VIPR2: variants seen among roughly 807,000 people sequenced by gnomAD.
VIPR2 encodes the protein vasoactive intestinal polypeptide receptor 2.
In VIPR2, 48 loss-of-function variants were observed where a neutral mutation model predicts 58.0. The observed-to-expected ratio is 0.83, with a 90% CI of 0.66 to 1.05. The LOEUF is 1.05. Among genes scored for constraint, VIPR2 ranks in the 50% least tolerant of loss-of-function variants. The pLI, the probability that VIPR2 is intolerant of heterozygous loss-of-function variation, is 0.00. For missense variants in VIPR2, 534 were observed against 558.0 expected (o/e 0.96, Z 0.43); for synonymous variants, 243 against 235.2 (o/e 1.03, Z -0.30).
chr7:159,032,810 A>G (rs1460626155), intron 10 of VIPR2, among the ~76,000 whole-genome samples: 1 of 152,110 alleles, frequency 6.6e-6, no homozygotes, highest in Non-Finnish European at 1.5e-5. Flanking sequence ...CAAAGAACCA[A>G]TGCAAAGGTC....
intron 5 of VIPR2, among the ~76,000 whole-genome samples, chr7:159,048,959 TCCTCATTCTTAGCCTTCAGTTTCTTGAA>T (rs1263888179): frequency 2.0e-5 from 3 of 152,176 alleles, no homozygotes; most frequent in African/African-American, 7.2e-5. Flanking sequence ...CTCAAAAGAT[TCCTCATTCTTAGCCTTCAGTTTCTTGAA>T]CCTTATTTTT....
chr7:159,069,043 C>T (rs1005563972), intron 4 of VIPR2, among the ~76,000 whole-genome samples: 2 of 152,172 alleles, frequency 1.3e-5, no homozygotes, highest in South Asian at 2.1e-4. Flanking sequence ...TTCACTGAGC[C>T]GCGTGAACCG....
intron 5 of VIPR2, among the ~76,000 whole-genome samples, chr7:159,056,706 G>C (rs982456279): frequency 2.6e-5 from 4 of 152,220 alleles, no homozygotes; most frequent in African/African-American, 9.7e-5. Context: ...TTTTGGAGAA[G>C]AAATGTTCAA....
intron 2 of VIPR2, among the ~76,000 whole-genome samples, chr7:159,136,102 T>C (rs1222907494): frequency 6.6e-6 from 1 of 152,020 alleles, no homozygotes; most frequent in Non-Finnish European, 1.5e-5. Context: ...GGAAACTGGG[T>C]AAATTATAAA....
At chr7:159,063,100 C>T (rs916738174) in intron 4 of VIPR2, among the ~76,000 whole-genome samples, 8 of 152,226 alleles carry the variant, frequency 5.3e-5, no homozygotes, top group Non-Finnish European at 7.3e-5. Context: ...TATCCTGCAC[C>T]GGGCCGCAGG....
At chr7:159,075,865 G>A (rs1027944875) in intron 4 of VIPR2, among the ~76,000 whole-genome samples, 4 of 149,270 alleles carry the variant, frequency 2.7e-5, no homozygotes, top group Admixed American at 6.7e-5. Context: ...CCATGGACCC[G>A]CTGCATCAGC....
intron 2 of VIPR2, among the ~76,000 whole-genome samples, chr7:159,134,553 G>A (rs914451072): frequency 6.6e-6 from 1 of 152,094 alleles, no homozygotes; most frequent in Admixed American, 6.5e-5. Flanking sequence ...TTTATGTGTG[G>A]TCAAACTACT....
At chr7:159,043,547 A>C (rs1177898808) in intron 5 of VIPR2, among the ~76,000 whole-genome samples, 2 of 151,938 alleles carry the variant, frequency 1.3e-5, no homozygotes, top group East Asian at 3.9e-4. Context: ...CAACAACAAC[A>C]AAGATACTCA....
chr7:159,058,395 TC>T (rs1585381233), intron 5 of VIPR2, 85 bp downstream of exon 5: 1 of 1,114,504 alleles, frequency 9.0e-7, no homozygotes, highest in African/African-American at 1.5e-5. Context: ...CACAGAGGGC[TC>T]CAGGCTGGGT....
rs1354290511 is a variant in VIPR2 at position 159,093,723 on chromosome 7, G to A, written c.357+10034C>T. ...GAGACCCCGCAGCGTCCCTGGGTCC[G>A]GACATGGGAGACCCCGCAGCGTCCC... On this transcript the variant is annotated intron_variant, in intron 4 of 12. Coordinates refer to ENST00000262178, the MANE Select transcript of VIPR2 (RefSeq NM_003382.5). The surrounding 1 kb of genome is among the most constrained non-coding windows in gnomAD (Gnocchi z 6.7). 2.4e-4 allele frequency among the ~76,000 whole-genome samples: 27 copies of A among 113,102 alleles called. No homozygotes were observed. Among genetic ancestry groups the A allele is most frequent in the African/African-American group, 6.3e-4 (23 of 36,796 alleles). 74.2% of individuals were successfully genotyped at this position (113,102 alleles called of 152,430 possible). A position where few individuals can be genotyped will look rare whatever the true frequency, so the allele number is the denominator to read the frequency against.
At position 159,031,016 on chromosome 7, in the gene VIPR2, G is replaced by A. The variant is rs960732540; in HGVS notation, c.1144-227C>T. Among the ~76,000 whole-genome samples the A allele has an allele frequency of 1.3e-5, 2 of 152,270 alleles. No individual in the cohort carries two copies. The highest frequency in any genetic ancestry group is 4.8e-5 in the African/African-American group (2 of 41,476). On this transcript the variant is annotated intron_variant, in intron 12 of 12. Transcript: ENST00000262178. This position sits in a 1 kb window ranked among gnomAD's most constrained non-coding sequence, Gnocchi z 4.0. Reference sequence around the variant, plus strand: ...ACGCTGCCAGACTCTAAGACTGTGCGTGGGTGGTTCGGGGATCGCCACTGC... The same window carrying A: ...ACGCTGCCAGACTCTAAGACTGTGCATGGGTGGTTCGGGGATCGCCACTGC...
At chr7:159,080,609 T>G (rs1856853728) in intron 4 of VIPR2, among the ~76,000 whole-genome samples, 1 of 152,206 alleles carries the variant, frequency 6.6e-6, no homozygotes, top group South Asian at 2.1e-4. Flanking sequence ...TGTTGGAAGT[T>G]CTGGCCAGGG....
intron 7 of VIPR2, 144 bp downstream of exon 7, chr7:159,036,605 CCAG>C: frequency 9.5e-7 from 1 of 1,053,450 alleles, no homozygotes; most frequent in Non-Finnish European, 1.3e-6. Flanking sequence ...GTAGGAGCCT[CCAG>C]TCATCCTGGA....
chr7:159,135,211 G>A (rs999701351), intron 2 of VIPR2, among the ~76,000 whole-genome samples: 1 of 151,698 alleles, frequency 6.6e-6, no homozygotes, highest in African/African-American at 2.4e-5. Context: ...CAAGGCAGGC[G>A]GATCACTTGA....
chr7:159,128,683 G>A lies in VIPR2; in HGVS notation c.151+13763C>T, dbSNP rs964459326. 2.6e-4 allele frequency among the ~76,000 whole-genome samples: 40 copies of A among 152,146 alleles called. No individual in the cohort carries two copies. The highest frequency in any genetic ancestry group is 7.7e-4 in the African/African-American group (32 of 41,420). Reference sequence around the variant, plus strand: ...CTCCATCTCCCACCTGGAGGAACTCGATCAATGAGTTTCCTCATTTCCAGG... The same window carrying A: ...CTCCATCTCCCACCTGGAGGAACTCAATCAATGAGTTTCCTCATTTCCAGG... On this transcript the variant is annotated intron_variant, in intron 2 of 12. Transcript: ENST00000262178. The surrounding 1 kb of genome is among the most constrained non-coding windows in gnomAD (Gnocchi z 4.1).
At chr7:159,116,067 C>T (rs1796227448) in intron 2 of VIPR2, among the ~76,000 whole-genome samples, 1 of 152,212 alleles carries the variant, frequency 6.6e-6, no homozygotes, top group Non-Finnish European at 1.5e-5. Flanking sequence ...CCTGTGCTGA[C>T]CCCTCGGACT....
chr7:159,083,914 G>A (rs1167614611), intron 4 of VIPR2, among the ~76,000 whole-genome samples: 1 of 152,242 alleles, frequency 6.6e-6, no homozygotes, highest in East Asian at 1.9e-4. Flanking sequence ...GCTGGTGCAT[G>A]TGAACATTCT....
intron 3 of VIPR2, among the ~76,000 whole-genome samples, chr7:159,104,233 G>T (rs1435502873): frequency 2.0e-5 from 3 of 152,152 alleles, no homozygotes; most frequent in Admixed American, 2.0e-4. Context: ...GCCTGCCCCA[G>T]TTCCTGACAG....
intron 5 of VIPR2, among the ~76,000 whole-genome samples, chr7:159,055,714 CCT>C (rs781000903): frequency 6.6e-6 from 1 of 152,152 alleles, no homozygotes; most frequent in African/African-American, 2.4e-5. Context: ...TCTTCCACCC[CCT>C]GTGTTTCTGT....
Sources: gnomAD v4.1 joint callset for allele counts (sites outside exome capture counted in the v4.1 genomes callset) on GRCh38, gnomAD v4.1.1 for gene constraint, Gnocchi (gnomAD v3.1) non-coding constraint, MANE v1.5 for transcripts, NCBI Gene and HGNC (gene_info 2026-07-23, HGNC 2026-07-21) for gene names.